The following HDAC9 variants were observed in gnomAD, a reference collection of about 807,000 sequenced individuals.
HDAC9 encodes the protein MEF-2 interacting transcription repressor (MITR) protein.
HDAC9 carries 41 observed loss-of-function variants against 139.4 expected under a neutral mutation model. The ratio of observed to expected loss-of-function variants is 0.29; its 90% CI spans 0.23 to 0.38. The LOEUF (loss-of-function observed/expected upper bound fraction) is 0.38. Ranked by LOEUF, HDAC9 falls within the 10% of genes least tolerant of loss-of-function variation. HDAC9 has a pLI of 1.00. For synonymous variants in HDAC9, 517 were observed against 476.2 expected (o/e 1.09, Z -1.12); for missense variants, 1,147 against 1,297.0 (o/e 0.88, Z 1.78).
chr7:18,518,170 C>A (rs2128207421), intron 2 of HDAC9: 1 of 151,978 alleles, frequency 6.6e-6, no homozygotes, highest in South Asian at 2.1e-4. Flanking sequence ...TTACTCTCTC[C>A]CACAGTGATT....
intron 1 of HDAC9, among the ~76,000 whole-genome samples, chr7:18,114,122 G>T (rs1783811127): frequency 6.6e-6 from 1 of 152,168 alleles, no homozygotes; most frequent in Non-Finnish European, 1.5e-5. Context: ...CAGACAGCTG[G>T]TCCTTGTGTT....
rs1186215258 is a variant in HDAC9 at position 18,996,524 on chromosome 7, T to G, written c.*462T>G. On this transcript the variant is annotated 3_prime_UTR_variant, in exon 26 of 26. Transcript: ENST00000686413. ...AACAGTCTTAACTTGTTTACAAGATTTGCTTTTAGCTATGAACGGATCGTA... is the reference window on the plus strand; with the variant it reads ...AACAGTCTTAACTTGTTTACAAGATGTGCTTTTAGCTATGAACGGATCGTA... The G allele has an allele frequency of 6.5e-6, 1 of 154,862 alleles. No homozygotes were observed. The highest frequency in any genetic ancestry group is 2.4e-5 in the African/African-American group (1 of 41,480). 9.6% of individuals were successfully genotyped at this position (154,862 alleles called of 1,614,324 possible).
At chr7:18,363,406 AC>A (rs1380241400) in intron 1 of HDAC9, among the ~76,000 whole-genome samples, 1 of 152,198 alleles carries the variant, frequency 6.6e-6, no homozygotes, top group African/African-American at 2.4e-5. Flanking sequence ...GAACTGGCAC[AC>A]ATTTGCCCAT....
chr7:18,538,271 G>T (rs1323805522), intron 2 of HDAC9, among the ~76,000 whole-genome samples: 2 of 152,128 alleles, frequency 1.3e-5, no homozygotes, highest in African/African-American at 4.8e-5. Context: ...GACAGGTCCT[G>T]TTTATCAGTT....
chr7:18,760,681 T>C (rs183736178), intron 14 of HDAC9, among the ~76,000 whole-genome samples: 4 of 152,332 alleles, frequency 2.6e-5, no homozygotes, highest in Non-Finnish European at 4.4e-5. Context: ...GTCAAGGCAG[T>C]GTTAATGAGA....
chr7:18,577,344 A>G (rs1826310082), intron 2 of HDAC9, among the ~76,000 whole-genome samples: 1 of 152,148 alleles, frequency 6.6e-6, no homozygotes, highest in Admixed American at 6.5e-5. Context: ...GTTCCTGTGT[A>G]CATGCTCTTC....
chr7:18,786,058 G>A (rs1266362474), intron 16 of HDAC9, among the ~76,000 whole-genome samples: 1 of 152,030 alleles, frequency 6.6e-6, no homozygotes, highest in Non-Finnish European at 1.5e-5. Flanking sequence ...AACATGGACT[G>A]TTAAATTTTA....
At chr7:18,766,598 A>G (rs1789851446) in intron 15 of HDAC9, among the ~76,000 whole-genome samples, 1 of 152,182 alleles carries the variant, frequency 6.6e-6, no homozygotes, top group African/African-American at 2.4e-5. Flanking sequence ...ATAACCAGCT[A>G]TACTTAGTTA....
chr7:18,962,702 C>T (rs1038122839), intron 24 of HDAC9, among the ~76,000 whole-genome samples: 1 of 152,176 alleles, frequency 6.6e-6, no homozygotes, highest in Admixed American at 6.5e-5. Flanking sequence ...CTCACACATA[C>T]ACATGATACC....
At chr7:18,440,166 C>A (rs1487831949) in intron 1 of HDAC9, among the ~76,000 whole-genome samples, 2 of 150,298 alleles carry the variant, frequency 1.3e-5, no homozygotes, top group Admixed American at 6.6e-5. Flanking sequence ...ATTCTCTTAA[C>A]TAGGTTTACC....
chr7:18,824,889 T>TTCA (rs1409097120), intron 17 of HDAC9, among the ~76,000 whole-genome samples: 439 of 152,304 alleles, frequency 2.9e-3, no homozygotes, highest in African/African-American at 1.0e-2. Flanking sequence ...CATTCAGATA[T>TTCA]AACTGCATAC....
rs35414332 is a variant in HDAC9, at chr7:18,744,012, G to GTTTTTTT, written c.1910-4978_1910-4972dup. ...TTTTTACATCTCACTTTTACTACTA[G>GTTTTTTT]TTTTTTTTTTTTTTTTTTTTTGAGA... On this transcript the variant is annotated intron_variant, in intron 13 of 25. Coordinates refer to ENST00000686413, the MANE Select transcript of HDAC9 (RefSeq NM_178425.4). 2.9e-4 allele frequency among the ~76,000 whole-genome samples: 32 copies of GTTTTTTT among 110,428 alleles called. 2 individuals carry two copies. Among genetic ancestry groups the GTTTTTTT allele is most frequent in the African/African-American group, 7.9e-4 (23 of 28,966 alleles). The allele number at this position is 110,428 out of a possible 152,430, so 72.4% of individuals were successfully genotyped here.
At chr7:18,540,141 T>C (rs961349084) in intron 2 of HDAC9, among the ~76,000 whole-genome samples, 1 of 145,898 alleles carries the variant, frequency 6.9e-6, no homozygotes, top group South Asian at 2.2e-4. Context: ...GGAATTGTGG[T>C]GGGTGCCTGT....
chr7:18,089,178 A>T (rs76805341), intron 1 of HDAC9, among the ~76,000 whole-genome samples: 5,790 of 152,094 alleles, frequency 0.038, 245 homozygotes, highest in South Asian at 0.11. Flanking sequence ...AGGAGTTTTA[A>T]ATTAAATACC....
At chr7:18,340,921 T>G (rs998135993) in intron 1 of HDAC9, among the ~76,000 whole-genome samples, 2 of 151,620 alleles carry the variant, frequency 1.3e-5, no homozygotes, top group Non-Finnish European at 3.0e-5. Context: ...TGATGAATTC[T>G]TTCAGTTTTT....
At chr7:18,811,009 A>G (rs895996144) in intron 17 of HDAC9, among the ~76,000 whole-genome samples, 18 of 151,892 alleles carry the variant, frequency 1.2e-4, no homozygotes, top group Non-Finnish European at 3.0e-5. Flanking sequence ...AGAGAAAACA[A>G]TGTTACAGCT....
At chr7:18,941,745 G>T (rs1219093907) in intron 23 of HDAC9, among the ~76,000 whole-genome samples, 2 of 152,122 alleles carry the variant, frequency 1.3e-5, no homozygotes, top group Non-Finnish European at 2.9e-5. Flanking sequence ...AAGAGAATGT[G>T]TGGGTAATCT....
At chr7:18,123,824 G>A (rs558216355) in intron 1 of HDAC9, among the ~76,000 whole-genome samples, 2 of 152,246 alleles carry the variant, frequency 1.3e-5, no homozygotes, top group East Asian at 3.9e-4. Flanking sequence ...GTCTAAAACA[G>A]GCAGTTTAAG....
At chr7:18,409,256 T>G (rs1037200801) in intron 1 of HDAC9, among the ~76,000 whole-genome samples, 20 of 152,292 alleles carry the variant, frequency 1.3e-4, no homozygotes, top group African/African-American at 4.6e-4. Flanking sequence ...CTATTAAAAT[T>G]TGCAGGTGGT....
Sources: gnomAD v4.1 joint callset for allele counts (sites outside exome capture counted in the v4.1 genomes callset) on GRCh38, gnomAD v4.1.1 for gene constraint, MANE v1.5 for transcripts, NCBI Gene and HGNC (gene_info 2026-07-23, HGNC 2026-07-21) for gene names.